Variants in AKR7A2 observed in about 807,000 individuals in gnomAD.
The protein encoded by AKR7A2 is aflatoxin B1 aldehyde reductase member 2.
In AKR7A2, 29 loss-of-function variants were observed where a neutral mutation model predicts 37.3. The ratio of observed to expected loss-of-function variants is 0.78; its 90% CI spans 0.58 to 1.06. The LOEUF is 1.06. Among genes scored for constraint, AKR7A2 ranks in the 50% least tolerant of loss-of-function variants. The pLI is 0.00. For synonymous variants in AKR7A2, 228 were observed against 217.8 expected, an observed-to-expected ratio of 1.05 and a Z score of -0.41; for missense variants, 529 against 497.9, an observed-to-expected ratio of 1.06 and a Z score of -0.59.
chr1:19,304,318 T>C lies in AKR7A2; in HGVS notation c.987A>G (p.Ala329=), dbSNP rs537009830. ...CCGGCTCCAGGGGCCCTTCCTCTGTTGCTGCCAAGTTCTGCTCCAGCTGCT... is the reference window on the plus strand; with the variant it reads ...CCGGCTCCAGGGGCCCTTCCTCTGTCGCTGCCAAGTTCTGCTCCAGCTGCT... The part of the protein sequence containing the change: ...SLEQLEQNLA[A]TEEGPLEPAV... The change falls in exon 7 of 7, where the codon GCA becomes GCG. Residue 329 remains alanine, a synonymous_variant. Transcript: ENST00000235835. The C allele has an allele frequency of 2.8e-5, 45 of 1,614,172 alleles. 2 individuals carry two copies. The South Asian group carries it at 4.6e-4, about 17-fold the overall frequency.
chr1:19,307,081 A>G lies in AKR7A2; in HGVS notation c.709T>C (p.Tyr237His). ...PLAGGLLTGK[Y>H]KYEDKDGKQP... ...TTCCCGTCCTTGTCCTCATACTTGT[A>G]CTTGCCAGTCAGCAGGCCCCCTGCG... Residue 237 changes from tyrosine to histidine, a missense_variant, in exon 5 of 7, where the codon TAC (tyrosine) becomes CAC (histidine). Transcript: ENST00000235835. The G allele has an allele frequency of 6.2e-7, 1 of 1,614,088 alleles. No individual in the cohort carries two copies.
chr1:19,308,939 C>A (rs1035764165), intron 1 of AKR7A2, among the ~76,000 whole-genome samples: 3 of 152,186 alleles, frequency 2.0e-5, no homozygotes, highest in African/African-American at 4.8e-5. Flanking sequence ...TCTCTGCCCT[C>A]CTGGAGCCCT....
At position 19,308,088 on chromosome 1, in the gene AKR7A2, A is replaced by AG. The variant is rs760993850; in HGVS notation, c.591+69dup. 37 of 1,591,332 alleles carry AG rather than the reference A, an allele frequency of 2.3e-5. No individual in the cohort carries two copies. In the African/African-American group the frequency reaches 3.9e-4, roughly 17 times the overall value. On this transcript the variant is annotated intron_variant, in intron 3 of 6. Coordinates refer to ENST00000235835, the MANE Select transcript of AKR7A2 (RefSeq NM_003689.4). ...TATGCAGACGGCACAGGGGGCAGTC[A>AG]GGGGGGCAAAGAGAGCCCAGGATTA...
intron 1 of AKR7A2, among the ~76,000 whole-genome samples, chr1:19,310,409 G>A (rs1202144335): frequency 6.6e-6 from 1 of 151,934 alleles, no homozygotes; most frequent in Non-Finnish European, 1.5e-5. Flanking sequence ...TTAATAGTAT[G>A]TAACGTGGCC....
chr1:19,309,014 T>G (rs1369165070), intron 1 of AKR7A2, among the ~76,000 whole-genome samples: 1 of 152,022 alleles, frequency 6.6e-6, no homozygotes, highest in African/African-American at 2.4e-5. Context: ...GGAGCCCAGA[T>G]GAGATGCATG....
chr1:19,305,638 C>G (rs1177212109), intron 6 of AKR7A2, among the ~76,000 whole-genome samples: 1 of 152,142 alleles, frequency 6.6e-6, no homozygotes, highest in Non-Finnish European at 1.5e-5. Context: ...TGCCACTGAT[C>G]AGGAAATAAG....
At chr1:19,310,284 G>T (rs2093769763) in intron 1 of AKR7A2, among the ~76,000 whole-genome samples, 1 of 152,198 alleles carries the variant, frequency 6.6e-6, no homozygotes, top group Non-Finnish European at 1.5e-5. Flanking sequence ...TTCTTGGCAT[G>T]AACTGTGCCT....
chr1:19,303,256 G>A (rs529420951), downstream of AKR7A2, among the ~76,000 whole-genome samples: 17 of 152,342 alleles, frequency 1.1e-4, 1 homozygote, highest in East Asian at 2.9e-3. Context: ...GACAGAGCAA[G>A]AGCCTGTCTC....
intron 1 of AKR7A2, among the ~76,000 whole-genome samples, chr1:19,310,779 T>A (rs146757096): frequency 3.3e-5 from 5 of 152,110 alleles, no homozygotes; most frequent in African/African-American, 1.2e-4. Flanking sequence ...CCAAGCGCTA[T>A]GACTCAGGAG....
chr1:19,305,160 A>T (rs889478362), intron 6 of AKR7A2: 1 of 154,306 alleles, frequency 6.5e-6, no homozygotes, highest in Non-Finnish European at 1.4e-5. Context: ...CAATTTTAGT[A>T]TATGTGCTGT....
At position 19,307,068 on chromosome 1, in the gene AKR7A2, T is replaced by C. The variant is rs1213724379; in HGVS notation, c.722A>G (p.Asp241Gly). Residue 241 changes from aspartate (D) to glycine (G), a missense_variant, in exon 5 of 7, where the codon GAC (aspartate) becomes GGC (glycine). Physicochemically the swap from Asp to Gly is moderately conservative, Grantham distance 94. Coordinates refer to ENST00000235835, the MANE Select transcript of AKR7A2 (RefSeq NM_003689.4). ...GCCCACAGGCTGTTTCCCGTCCTTG[T>C]CCTCATACTTGTACTTGCCAGTCAG... ...GLLTGKYKYEDKDGKQPVGRF... is the reference protein window; with the variant it reads ...GLLTGKYKYEGKDGKQPVGRF... 3 of 1,614,108 alleles carry C rather than the reference T, an allele frequency of 1.9e-6. No homozygotes were observed. Among genetic ancestry groups the C allele is most frequent in the Non-Finnish European group, 2.5e-6 (3 of 1,180,042 alleles).
intron 6 of AKR7A2, among the ~76,000 whole-genome samples, chr1:19,304,656 C>T (rs2093758067): frequency 6.6e-6 from 1 of 152,182 alleles, no homozygotes; most frequent in African/African-American, 2.4e-5. Context: ...GCTAAGTTGG[C>T]TGGGCACAGA....
intron 1 of AKR7A2, among the ~76,000 whole-genome samples, chr1:19,311,290 A>G (rs2093774266): frequency 6.6e-6 from 1 of 152,240 alleles, no homozygotes; most frequent in African/African-American, 2.4e-5. Context: ...TAGAGTGGAT[A>G]GAAAGTCCCT....
intron 3 of AKR7A2, chr1:19,307,692 C>A (rs2093764259): frequency 1.8e-6 from 1 of 549,682 alleles, no homozygotes; most frequent in South Asian, 2.1e-5. Context: ...GATGTTTACT[C>A]AAGTTTAAAA....
intron 3 of AKR7A2, 139 bp downstream of exon 3, chr1:19,308,019 G>C: frequency 9.2e-7 from 1 of 1,090,024 alleles, no homozygotes; most frequent in Non-Finnish European, 1.4e-6. Flanking sequence ...CATCCTGAGG[G>C]TACATGGGAG....
chr1:19,304,246 T>C lies in AKR7A2; in HGVS notation c.1059A>G (p.Glu353=), dbSNP rs751668429. 6.2e-7 allele frequency: 1 copy of C among 1,614,110 alleles called. No homozygotes were observed. Among genetic ancestry groups the C allele is most frequent in the Non-Finnish European group, 8.5e-7 (1 of 1,180,016 alleles). The change falls in exon 7 of 7, where the codon GAA becomes GAG. Residue 353 remains glutamate, a synonymous_variant. Coordinates refer to ENST00000235835, the MANE Select transcript of AKR7A2 (RefSeq NM_003689.4). ...GGGCCTAGCGGAAGTAGTTGGGACA[T>C]TCGTGAGCAACCAAATGCCAGGCTT... ...FNQAWHLVAH[E]CPNYFR
intron 3 of AKR7A2, chr1:19,307,632 G>C: frequency 1.6e-6 from 1 of 610,290 alleles, no homozygotes; most frequent in Admixed American, 2.8e-5. Flanking sequence ...CTCCATGCTG[G>C]ACACTGGTTA....
Position 19,307,328 on chromosome 1 carries a change from T to C in AKR7A2, c.674A>G (p.Tyr225Cys). 6.2e-7 allele frequency: 1 copy of C among 1,613,434 alleles called. No homozygotes were observed. The highest frequency in any genetic ancestry group is 8.5e-7 in the Non-Finnish European group (1 of 1,179,970). Residue 225 changes from tyrosine to cysteine, a missense_variant, in exon 4 of 7, where the codon TAC (tyrosine) becomes TGC (cysteine). Coordinates refer to ENST00000235835, the MANE Select transcript of AKR7A2 (RefSeq NM_003689.4). ...LRHFGLRFYA[Y>C]NPLAGGLLTG... The stretch of plus-strand genomic sequence containing the variant: ...GCTCCACGTACCAGCCAGAGGGTTG[T>C]AGGCATAGAACCTCAGTCCAAAGTG...
rs758539183 is a variant in AKR7A2, at chr1:19,304,183, G to A, written c.*42C>T. 6.2e-7 allele frequency: 1 copy of A among 1,614,204 alleles called. No homozygotes were observed. The highest frequency in any genetic ancestry group is 8.5e-7 in the Non-Finnish European group (1 of 1,180,010). On this transcript the variant is annotated 3_prime_UTR_variant, in exon 7 of 7. Coordinates refer to ENST00000235835, the MANE Select transcript of AKR7A2 (RefSeq NM_003689.4). ...GACTGGTCAGTGTGAGAGAACAAAA[G>A]AGGTGACAGAAAAGCCTTGGGCAGC...
Sources: allele counts gnomAD v4.1 joint callset (sites outside exome capture counted in the v4.1 genomes callset), GRCh38; gene constraint gnomAD v4.1.1; transcripts MANE v1.5; gene names NCBI Gene and HGNC (gene_info 2026-07-23, HGNC 2026-07-21).